Variants in GALNTL5 observed in about 807,000 individuals in gnomAD.
GALNTL5 encodes the protein inactive polypeptide N-acetylgalactosaminyltransferase-like protein 5.
In GALNTL5, 44 loss-of-function variants were observed where a neutral mutation model predicts 51.0. The observed-to-expected ratio is 0.86, with a 90% confidence interval of 0.68 to 1.11. GALNTL5 has a LOEUF of 1.11. GALNTL5 is among the 50% of genes least tolerant of loss of function. The pLI is 0.00. For missense variants in GALNTL5, 528 were observed against 531.8 expected, an observed-to-expected ratio of 0.99 and a Z score of 0.07; for synonymous variants, 192 against 182.8, an observed-to-expected ratio of 1.05 and a Z score of -0.41.
rs1278691029 is a variant in GALNTL5, at chr7:151,983,169, A to C, written c.535+17A>C. ...GCAAAGTTGGTAAGATAGAACACTC[A>C]TTATCTCATCTACTTTGTTGTTGTT... On this transcript the variant is annotated intron_variant, in intron 4 of 8. Transcript: ENST00000392800. 1 of 1,591,252 alleles carries C rather than the reference A, an allele frequency of 6.3e-7. No homozygotes were observed. The highest frequency in any genetic ancestry group is 1.7e-5 in the Admixed American group (1 of 59,812).
At chr7:151,969,973 T>A (rs2081111807) in intron 2 of GALNTL5, among the ~76,000 whole-genome samples, 1 of 27,152 alleles carries the variant, frequency 3.7e-5, no homozygotes, top group Admixed American at 2.9e-4. Context: ...CGCCTGGCTA[T>A]TTTTTTTTTT....
rs61210832 is a variant in GALNTL5 at position 151,962,436 on chromosome 7, C to CTTTTT, written c.-39-4761_-39-4757dup. The stretch of plus-strand genomic sequence containing the variant: ...AAAAAAGTCTGTGTGATTTTTTTTT[C>CTTTTT]TTTTTTTTTTTTTTTGGTTAATGCA... On this transcript the variant is annotated intron_variant, in intron 1 of 8. Coordinates refer to ENST00000392800, the MANE Select transcript of GALNTL5 (RefSeq NM_145292.4). Among the ~76,000 whole-genome samples the CTTTTT allele has an allele frequency of 6.5e-3, 752 of 116,204 alleles. 36 individuals carry two copies. The highest frequency in any genetic ancestry group is 0.013 in the Admixed American group (138 of 10,678). 76.2% of individuals were successfully genotyped at this position (116,204 alleles called of 152,430 possible).
chr7:152,016,452 G>A (rs767617147), intron 8 of GALNTL5, among the ~76,000 whole-genome samples: 1 of 151,692 alleles, frequency 6.6e-6, no homozygotes, highest in Admixed American at 6.6e-5. Flanking sequence ...TGAGCAATAG[G>A]ATCTCTCAGC....
chr7:151,963,765 A>G (rs1311676188), intron 1 of GALNTL5, among the ~76,000 whole-genome samples: 9 of 152,102 alleles, frequency 5.9e-5, no homozygotes, highest in African/African-American at 1.9e-4. Flanking sequence ...TATTCTCTCA[A>G]TGCTCCTTTT....
chr7:152,006,976 C>T (rs1292006858), intron 6 of GALNTL5, among the ~76,000 whole-genome samples: 1 of 152,070 alleles, frequency 6.6e-6, no homozygotes, highest in Non-Finnish European at 1.5e-5. Context: ...CCATGTTGGC[C>T]AGGCTGGTCT....
At chr7:151,959,051 A>G (rs982065449) in intron 1 of GALNTL5, among the ~76,000 whole-genome samples, 4 of 151,740 alleles carry the variant, frequency 2.6e-5, no homozygotes, top group Non-Finnish European at 5.9e-5. Context: ...GGAAGTTCTC[A>G]CTCCGGTCGT....
chr7:151,965,854 TC>T (rs2081052979), intron 1 of GALNTL5, among the ~76,000 whole-genome samples: 1 of 152,106 alleles, frequency 6.6e-6, no homozygotes, highest in African/African-American at 2.4e-5. Context: ...GCCACTGCAC[TC>T]TAGCCTGGGT....
chr7:151,962,436 C>CTTTTCT (rs2081003351), intron 1 of GALNTL5, among the ~76,000 whole-genome samples: 4 of 116,232 alleles, frequency 3.4e-5, no homozygotes, highest in African/African-American at 1.3e-4. Context: ...ATTTTTTTTT[C>CTTTTCT]TTTTTTTTTT....
chr7:151,993,792 T>A (rs2081458095), intron 5 of GALNTL5, among the ~76,000 whole-genome samples: 1 of 151,960 alleles, frequency 6.6e-6, no homozygotes, highest in African/African-American at 2.4e-5. Flanking sequence ...CCTATTTTTT[T>A]AATTTTTGGT....
intron 6 of GALNTL5, among the ~76,000 whole-genome samples, chr7:152,004,584 A>C (rs559142247): frequency 1.3e-5 from 2 of 152,252 alleles, no homozygotes; most frequent in South Asian, 2.1e-4. Context: ...CCATTAAGTC[A>C]CTTCTCATCA....
chr7:152,012,873 A>G (rs1433357975), intron 7 of GALNTL5, among the ~76,000 whole-genome samples: 1 of 152,272 alleles, frequency 6.6e-6, no homozygotes, highest in Middle Eastern at 3.4e-3. Flanking sequence ...AGGCTTAGGC[A>G]TGAGAATCGC....
At position 151,970,938 on chromosome 7, in the gene GALNTL5, C is replaced by T; in HGVS notation, c.248-7C>T. The T allele has an allele frequency of 6.3e-7, 1 of 1,588,818 alleles. No individual in the cohort carries two copies. Among genetic ancestry groups the T allele is most frequent in the South Asian group, 1.1e-5 (1 of 88,762 alleles). On this transcript the variant is annotated splice_region_variant and splice_polypyrimidine_tract_variant and intron_variant, in intron 2 of 8. Transcript: ENST00000392800. ...ACTTATATGATTCTAATTACATTTT[C>T]TTGCAGGTACAGATTTTAACCATAC...
At chr7:151,968,422 G>A (rs1352028618) in intron 2 of GALNTL5, among the ~76,000 whole-genome samples, 1 of 152,212 alleles carries the variant, frequency 6.6e-6, no homozygotes, top group Non-Finnish European at 1.5e-5. Context: ...TATTTCTGTG[G>A]ATCCCTGCTC....
chr7:151,997,896 T>C (rs1457118644), intron 5 of GALNTL5, among the ~76,000 whole-genome samples: 2 of 152,214 alleles, frequency 1.3e-5, no homozygotes, highest in East Asian at 3.9e-4. Context: ...TTAATGTTAA[T>C]TTTATTTTAA....
At chr7:152,012,684 G>C (rs1436123025) in intron 7 of GALNTL5, among the ~76,000 whole-genome samples, 1 of 152,162 alleles carries the variant, frequency 6.6e-6, no homozygotes, top group Non-Finnish European at 1.5e-5. Context: ...CAGCGGACTG[G>C]GGCCAGGCAT....
intron 2 of GALNTL5, chr7:151,970,680 G>A (rs180736578): frequency 6.3e-4 from 153 of 242,714 alleles, no homozygotes; most frequent in African/African-American, 3.4e-3. Context: ...GCAGATGCTG[G>A]CTCAATGCTT....
intron 3 of GALNTL5, among the ~76,000 whole-genome samples, chr7:151,980,874 T>G (rs1046645511): frequency 6.9e-6 from 1 of 145,810 alleles, no homozygotes; most frequent in Non-Finnish European, 1.5e-5. Flanking sequence ...GCCTCCCAAG[T>G]AGCTGGGACT....
At chr7:151,996,609 C>T (rs1473838329) in intron 5 of GALNTL5, among the ~76,000 whole-genome samples, 3 of 151,930 alleles carry the variant, frequency 2.0e-5, no homozygotes, top group African/African-American at 4.8e-5. Flanking sequence ...ATAAGCTAGG[C>T]GTGGTGGCCC....
At chr7:152,016,516 G>A (rs1279237653) in intron 8 of GALNTL5, among the ~76,000 whole-genome samples, 1 of 152,030 alleles carries the variant, frequency 6.6e-6, no homozygotes, top group African/African-American at 2.4e-5. Context: ...TGAAAATGGC[G>A]TGGCAGCACC....
Sources: gnomAD v4.1 joint callset for allele counts (sites outside exome capture counted in the v4.1 genomes callset) on GRCh38, gnomAD v4.1.1 for gene constraint, MANE v1.5 for transcripts, NCBI Gene and HGNC (gene_info 2026-07-23, HGNC 2026-07-21) for gene names.